Variants in PTPRM observed in about 807,000 individuals in gnomAD.
The protein encoded by PTPRM is protein tyrosine phosphatase receptor type M.
Under a neutral mutation model 186.7 loss-of-function variants are expected in PTPRM, and 47 were observed. The observed-to-expected ratio is 0.25, with a 90% CI of 0.20 to 0.32. PTPRM has a LOEUF of 0.32. PTPRM is among the 10% of genes least tolerant of loss of function. The pLI, the probability that PTPRM is intolerant of heterozygous loss-of-function variation, is 1.00. For synonymous variants in PTPRM, 668 were observed against 674.9 expected (o/e 0.99, Z 0.16); for missense variants, 1,494 against 1,865.0 (o/e 0.80, Z 3.66).
At chr18:7,763,730 A>G (rs1292536618) in intron 1 of PTPRM, among the ~76,000 whole-genome samples, 1 of 152,238 alleles carries the variant, frequency 6.6e-6, no homozygotes, top group East Asian at 1.9e-4. Flanking sequence ...TGAGGGAAGT[A>G]CATTTAGTTG....
chr18:8,142,418 T>C (rs1354758908), intron 13 of PTPRM, among the ~76,000 whole-genome samples: 3 of 152,042 alleles, frequency 2.0e-5, no homozygotes, highest in Non-Finnish European at 4.4e-5. Context: ...AGGAATAACT[T>C]TGGAAAGAAA....
chr18:7,931,419 T>C (rs958115808), intron 5 of PTPRM, among the ~76,000 whole-genome samples: 3 of 152,168 alleles, frequency 2.0e-5, no homozygotes, highest in Admixed American at 2.0e-4. Flanking sequence ...TGAAAGTACT[T>C]TCTTGGCTGG....
chr18:8,184,496 A>C (rs1374950582), intron 14 of PTPRM, among the ~76,000 whole-genome samples: 1 of 152,130 alleles, frequency 6.6e-6, no homozygotes, highest in South Asian at 2.1e-4. Flanking sequence ...ACCCCACTGG[A>C]CTGTTGGGTG....
At chr18:8,181,857 C>T (rs550044199) in intron 14 of PTPRM, among the ~76,000 whole-genome samples, 4 of 83,240 alleles carry the variant, frequency 4.8e-5, no homozygotes, top group East Asian at 2.2e-4. Context: ...CTTTTTAATA[C>T]GTGAAAAAAA....
chr18:8,206,838 CA>C (rs1176213052), intron 14 of PTPRM, among the ~76,000 whole-genome samples: 8 of 151,230 alleles, frequency 5.3e-5, no homozygotes, highest in Admixed American at 3.3e-4. Flanking sequence ...GACTCTGCTT[CA>C]AAAAAAAGGG....
intron 13 of PTPRM, among the ~76,000 whole-genome samples, chr18:8,128,645 G>A (rs1433884561): frequency 1.3e-5 from 2 of 152,060 alleles, no homozygotes; most frequent in Non-Finnish European, 2.9e-5. Flanking sequence ...ACAAGAAAAT[G>A]GTGAGAGGAT....
At chr18:7,994,716 C>T (rs1256914322) in intron 7 of PTPRM, among the ~76,000 whole-genome samples, 1 of 151,648 alleles carries the variant, frequency 6.6e-6, no homozygotes, top group Non-Finnish European at 1.5e-5. Flanking sequence ...ATAATATGCT[C>T]CTGAATGATA....
At chr18:8,312,521 C>T (rs1227032398) in intron 20 of PTPRM, among the ~76,000 whole-genome samples, 2 of 152,118 alleles carry the variant, frequency 1.3e-5, no homozygotes, top group Non-Finnish European at 2.9e-5. Context: ...ACAATAATAA[C>T]TGACATCTAT....
chr18:7,838,233 G>A (rs1452211110), intron 2 of PTPRM, among the ~76,000 whole-genome samples: 5 of 152,148 alleles, frequency 3.3e-5, no homozygotes, highest in African/African-American at 1.2e-4. Context: ...TGAGCAAAGG[G>A]GGAAAAGTCC....
chr18:7,790,852 G>A (rs1171844650), intron 2 of PTPRM, among the ~76,000 whole-genome samples: 1 of 151,934 alleles, frequency 6.6e-6, no homozygotes, highest in South Asian at 2.1e-4. Context: ...GTAACCTTCC[G>A]AGGTAGCTCA....
chr18:8,226,160 G>A (rs1342408715), intron 14 of PTPRM, among the ~76,000 whole-genome samples: 1 of 151,770 alleles, frequency 6.6e-6, no homozygotes, highest in Non-Finnish European at 1.5e-5. Flanking sequence ...AAAAAAAAAT[G>A]CATCACTCCG....
intron 1 of PTPRM, among the ~76,000 whole-genome samples, chr18:7,732,790 C>T (rs1451440604): frequency 6.6e-6 from 1 of 152,148 alleles, no homozygotes; most frequent in African/African-American, 2.4e-5. Flanking sequence ...CAGGTGTGAG[C>T]CACTGTGCCT....
At chr18:7,589,033 A>G (rs573954968) in intron 1 of PTPRM, among the ~76,000 whole-genome samples, 1 of 152,080 alleles carries the variant, frequency 6.6e-6, no homozygotes, top group East Asian at 1.9e-4. Context: ...AATTTTGGAG[A>G]GATGGTATTT....
At chr18:7,809,965 C>A (rs533700080) in intron 2 of PTPRM, among the ~76,000 whole-genome samples, 1 of 152,294 alleles carries the variant, frequency 6.6e-6, no homozygotes, top group East Asian at 1.9e-4. Context: ...ATATTACATT[C>A]TTTGACAACA....
intron 1 of PTPRM, among the ~76,000 whole-genome samples, chr18:7,592,634 G>C (rs1392684502): frequency 6.6e-6 from 1 of 152,216 alleles, no homozygotes; most frequent in Non-Finnish European, 1.5e-5. Context: ...CTCTTCCCTT[G>C]CCCAGGGGCT....
At chr18:7,657,440 G>T (rs1466478608) in intron 1 of PTPRM, among the ~76,000 whole-genome samples, 1 of 152,228 alleles carries the variant, frequency 6.6e-6, no homozygotes, top group Non-Finnish European at 1.5e-5. Flanking sequence ...TGCCCGAGCA[G>T]TTGGTGCCAT....
At chr18:8,156,175 G>A (rs904225152) in intron 14 of PTPRM, among the ~76,000 whole-genome samples, 6 of 152,096 alleles carry the variant, frequency 3.9e-5, no homozygotes, top group Non-Finnish European at 7.4e-5. Context: ...TTCTGAGCTG[G>A]ACTTTATATG....
chr18:8,011,876 T>G (rs1287054557), intron 7 of PTPRM, among the ~76,000 whole-genome samples: 3 of 152,150 alleles, frequency 2.0e-5, no homozygotes, highest in Admixed American at 1.3e-4. Flanking sequence ...AAATACGAAT[T>G]TATTAGTACT....
intron 1 of PTPRM, among the ~76,000 whole-genome samples, chr18:7,763,051 C>G (rs1453589348): frequency 6.6e-6 from 1 of 152,140 alleles, no homozygotes; most frequent in Non-Finnish European, 1.5e-5. Flanking sequence ...CAAAATTGCA[C>G]CCCAAAATCC....
Sources: gnomAD v4.1 joint callset for allele counts (sites outside exome capture counted in the v4.1 genomes callset) on GRCh38, gnomAD v4.1.1 for gene constraint, MANE v1.5 for transcripts, NCBI Gene and HGNC (gene_info 2026-07-23, HGNC 2026-07-21) for gene names.